Variants in COL16A1 observed in about 807,000 individuals in gnomAD.
COL16A1 encodes collagen alpha-1(XVI) chain.
COL16A1 carries 189 observed loss-of-function variants against 266.3 expected under a neutral mutation model. That is an observed-to-expected ratio of 0.71 (90% CI 0.63 to 0.80). The LOEUF (loss-of-function observed/expected upper bound fraction) is 0.80, where lower values mean the gene tolerates loss of function less well. Ranked by LOEUF, COL16A1 falls within the 30% of genes least tolerant of loss-of-function variation. The pLI is 0.00. For missense variants in COL16A1, 1,928 were observed against 2,122.4 expected (o/e 0.91, Z 1.80); for synonymous variants, 740 against 782.3 (o/e 0.95, Z 0.90).
chr1:31,686,317 T>C, intron 26 of COL16A1, 38 bp from the exon 27 acceptor site: 1 of 1,614,154 alleles, frequency 6.2e-7, no homozygotes. Context: ...AAAGAGGGGA[T>C]GGAGTCTGGG....
At chr1:31,694,224 G>A (rs761086329) in intron 11 of COL16A1, 54 bp from the exon 12 acceptor site, 1 of 1,512,964 alleles carries the variant, frequency 6.6e-7, no homozygotes, top group Non-Finnish European at 9.0e-7. Flanking sequence ...GAAAACCAGG[G>A]GCCCAGAGAA....
rs1301486446 is a variant in COL16A1 at position 31,703,938 on chromosome 1, G to C, written c.-136C>G. On this transcript the variant is annotated 5_prime_UTR_variant, in exon 1 of 71. Transcript: ENST00000373672. ...TCCGCTAGGGGTTCTCTATCTCTCC[G>C]TGACGGTCACGGGTCCCCAGCTTCC... 1.3e-5 allele frequency: 2 copies of C among 152,366 alleles called. No individual in the cohort carries two copies. The highest frequency in any genetic ancestry group is 2.9e-5 in the Non-Finnish European group (2 of 68,154). The allele number at this position is 152,366 out of a possible 1,614,324, so 9.4% of individuals were successfully genotyped here.
Position 31,670,733 on chromosome 1 carries a change from T to G in COL16A1, c.3151-87A>C. 8.7e-7 allele frequency: 1 copy of G among 1,155,034 alleles called. No individual in the cohort carries two copies. The highest frequency in any genetic ancestry group is 1.2e-6 in the Non-Finnish European group (1 of 866,572). 71.5% of individuals were successfully genotyped at this position (1,155,034 alleles called of 1,614,324 possible). A position where few individuals can be genotyped will look rare whatever the true frequency, so the allele number is the denominator to read the frequency against. On this transcript the variant is annotated intron_variant, in intron 48 of 70. Transcript: ENST00000373672. The surrounding 1 kb of genome is among the most constrained non-coding windows in gnomAD (Gnocchi z 4.5). ...GGCACAGTCTGGGGCTTGGGGGTCATGGGGAGAGGAGGTCATGGGAGTATT... is the reference window on the plus strand; with the variant it reads ...GGCACAGTCTGGGGCTTGGGGGTCAGGGGGAGAGGAGGTCATGGGAGTATT...
rs768826889 is a variant in COL16A1 at position 31,697,192 on chromosome 1, T to C, written c.738+28A>G. 7 of 1,613,326 alleles carry C rather than the reference T, an allele frequency of 4.3e-6. No individual in the cohort carries two copies. The South Asian group carries it at 7.7e-5, about 18-fold the overall frequency. ...CCTCATCTCCAGCACAGTGTGTCCCTGGGCAGCCCAAGGGCCGGGCCACTC... is the reference window on the plus strand; with the variant it reads ...CCTCATCTCCAGCACAGTGTGTCCCCGGGCAGCCCAAGGGCCGGGCCACTC... On this transcript the variant is annotated intron_variant, in intron 7 of 70. Coordinates refer to ENST00000373672, the MANE Select transcript of COL16A1 (RefSeq NM_001856.4). This position sits in a 1 kb window ranked among gnomAD's most constrained non-coding sequence, Gnocchi z 4.2.
In COL16A1 at chr1:31,693,159, G is replaced by C. The variant is rs1174639934; in HGVS notation, c.1009-5C>G. On this transcript the variant is annotated splice_polypyrimidine_tract_variant and splice_region_variant and intron_variant, in intron 12 of 70. Coordinates refer to ENST00000373672, the MANE Select transcript of COL16A1 (RefSeq NM_001856.4). The stretch of plus-strand genomic sequence containing the variant: ...GCCCCGCTCACCTTTCCCTCCCTGA[G>C]AGTGAAACCAGAATGGAAGATAGGA... 6.2e-7 allele frequency: 1 copy of C among 1,601,780 alleles called. No individual in the cohort carries two copies. Among genetic ancestry groups the C allele is most frequent in the Non-Finnish European group, 8.6e-7 (1 of 1,168,990 alleles).
intron 58 of COL16A1, 54 bp from the exon 59 acceptor site, chr1:31,661,758 A>G (rs558164039): frequency 6.4e-7 from 1 of 1,555,784 alleles, no homozygotes; most frequent in Admixed American, 2.1e-5. Flanking sequence ...GCTTGTATCC[A>G]ACTCATACCT....
At chr1:31,696,341 T>TCCCCC (rs1557694183) in intron 8 of COL16A1, among the ~76,000 whole-genome samples, 200 bp from the exon 9 acceptor site, 1 of 108,906 alleles carries the variant, frequency 9.2e-6, no homozygotes, top group Non-Finnish European at 1.9e-5. Context: ...CACCCACCCA[T>TCCCCC]GTGATGTCAG....
intron 58 of COL16A1, 67 bp downstream of exon 58, chr1:31,662,267 C>A: frequency 6.3e-7 from 1 of 1,574,892 alleles, no homozygotes; most frequent in East Asian, 2.3e-5. Flanking sequence ...TCAGGGTTCC[C>A]TTGACTTTGG....
chr1:31,656,948 T>C lies in COL16A1; in HGVS notation c.4056+85A>G. 1 of 1,576,630 alleles carries C rather than the reference T, an allele frequency of 6.3e-7. No homozygotes were observed. The highest frequency in any genetic ancestry group is 1.7e-5 in the Admixed American group (1 of 59,794). On this transcript the variant is annotated intron_variant, in intron 65 of 70. Coordinates refer to ENST00000373672, the MANE Select transcript of COL16A1 (RefSeq NM_001856.4). This position sits in a 1 kb window ranked among gnomAD's most constrained non-coding sequence, Gnocchi z 4.2. The stretch of plus-strand genomic sequence containing the variant: ...ACAGCCCGTACATAGAAGGAATGTT[T>C]ACTGAAAAAAATGAAGAGGGGTCAG...
intron 63 of COL16A1, 144 bp from the exon 64 acceptor site, chr1:31,658,721 G>A: frequency 8.7e-6 from 9 of 1,035,984 alleles, no homozygotes; most frequent in Non-Finnish European, 1.3e-5. Flanking sequence ...ACTCTGAGAT[G>A]ACCTCCAGCC....
Position 31,698,069 on chromosome 1 carries a change from T to C in COL16A1, c.494A>G (p.Asp165Gly). ...SCIFPVPQLF[D>G]LRWHKLMLSV... ...CAGCATCAGCTTGTGCCAACGCAAG[T>C]CGAAGAGCTGGGGCACTGGGAAGAT... Residue 165 changes from aspartate to glycine, a missense_variant, in exon 6 of 71, where the codon GAC (aspartate) becomes GGC (glycine). Physicochemically the swap from Asp to Gly is moderately conservative, Grantham distance 94. Around this residue, in one of 2 missense-constraint regions of COL16A1, gnomAD observed 1,552 missense variants for 1,637.2 expected, o/e 0.95. Coordinates refer to ENST00000373672, the MANE Select transcript of COL16A1 (RefSeq NM_001856.4). This position sits in a 1 kb window ranked among gnomAD's most constrained non-coding sequence, Gnocchi z 4.1. 1 of 1,613,932 alleles carries C rather than the reference T, an allele frequency of 6.2e-7. No individual in the cohort carries two copies. The highest frequency in any genetic ancestry group is 2.2e-5 in the East Asian group (1 of 44,882).
At chr1:31,659,731 G>T (rs1641476848) in intron 62 of COL16A1, 1 of 152,240 alleles carries the variant, frequency 6.6e-6, no homozygotes, top group Admixed American at 6.5e-5. Context: ...CACAGAGACT[G>T]CCACACTGCA....
At chr1:31,673,183 C>G (rs1009563157) in intron 44 of COL16A1, 3 of 373,018 alleles carry the variant, frequency 8.0e-6, no homozygotes, top group African/African-American at 4.2e-5. Context: ...GGACAAGCCA[C>G]GAGGAGTGAG....
chr1:31,689,271 C>T (rs1486531185), intron 23 of COL16A1, 186 bp from the exon 24 acceptor site: 19 of 965,396 alleles, frequency 2.0e-5, no homozygotes, highest in South Asian at 3.5e-5. Context: ...AGGAGCGTGG[C>T]GGGGGGAATG....
At chr1:31,686,207 T>A in intron 27 of COL16A1, 37 bp downstream of exon 27, 1 of 1,614,142 alleles carries the variant, frequency 6.2e-7, no homozygotes, top group Non-Finnish European at 8.5e-7. Flanking sequence ...TCCCACCTTG[T>A]CCTCTCCCAA....
chr1:31,665,183 G>C lies in COL16A1; in HGVS notation c.3544C>G (p.Gln1182Glu). The change falls in exon 56 of 71, where the codon CAA becomes GAA. Residue 1182 changes from glutamine to glutamate, a missense_variant. Transcript: ENST00000373672. ...AGGGTCCTGCTCACCTTCTCTGCTT[G>C]AGGGCCAGGTGGGCCAGGTGATCCA... ...KVGSPGPPGP[Q>E]AEKGSEGIRG... 6.2e-7 allele frequency: 1 copy of C among 1,606,778 alleles called. No individual in the cohort carries two copies. The highest frequency in any genetic ancestry group is 8.5e-7 in the Non-Finnish European group (1 of 1,177,900).
At position 31,684,536 on chromosome 1, in the gene COL16A1, G is replaced by A. The variant is rs749037846; in HGVS notation, c.2147C>T (p.Pro716Leu). ...CGCCTGACTAACCTTTTCTCCTTTT[G>A]GCCCCGCGGGGCCCTGAACTCCAGG... is the stretch of plus-strand genomic sequence containing the variant. ...GEPGVQGPAG[P>L]KGEKGDGCTA... Residue 716 changes from proline (P) to leucine (L), a missense_variant, in exon 31 of 71, where the codon CCA becomes CTA. Pro to Leu is a moderately conservative substitution (Grantham distance 98, BLOSUM62 -3). Coordinates refer to ENST00000373672, the MANE Select transcript of COL16A1 (RefSeq NM_001856.4). The A allele has an allele frequency of 1.2e-6, 2 of 1,611,978 alleles. No homozygotes were observed. The highest frequency in any genetic ancestry group is 2.7e-5 in the African/African-American group (2 of 74,716).
rs370056771 is a variant in COL16A1, at chr1:31,653,585, G to A, written c.4612+14C>T. 3.7e-6 allele frequency: 6 copies of A among 1,612,270 alleles called. No homozygotes were observed. In the African/African-American group the frequency reaches 5.4e-5, roughly 14 times the overall value. ...TGCTCTGGATTCATGGTCTCAAATG[G>A]TGGTATTTCCTACCTGGGGGGCCGG... On this transcript the variant is annotated intron_variant, in intron 70 of 70. Coordinates refer to ENST00000373672, the MANE Select transcript of COL16A1 (RefSeq NM_001856.4).
rs115286419 is a variant in COL16A1, at chr1:31,680,307, C to T, written c.2611-206G>A. 3.2e-3 allele frequency among the ~76,000 whole-genome samples: 485 copies of T among 152,286 alleles called. 2 individuals are homozygous for T. Among genetic ancestry groups the T allele is most frequent in the African/African-American group, 0.011 (437 of 41,538 alleles). ...GTAAAATGGGAACAATAATTCCAAG[C>T]GCATGGAGTCTCAGGAGGACAAAAT... is the stretch of plus-strand genomic sequence containing the variant. On this transcript the variant is annotated intron_variant, in intron 39 of 70. Transcript: ENST00000373672.
Sources: gnomAD v4.1 joint callset for allele counts (sites outside exome capture counted in the v4.1 genomes callset) on GRCh38, gnomAD v4.1.1 for gene constraint, gnomAD v4.1.1 regional missense constraint, Gnocchi (gnomAD v3.1) non-coding constraint, MANE v1.5 for transcripts, NCBI Gene and HGNC (gene_info 2026-07-23, HGNC 2026-07-21) for gene names.